RELL1: variants seen among roughly 807,000 people sequenced by gnomAD.
RELL1 encodes RELT like 1.
In RELL1, 10 loss-of-function variants were observed where a neutral mutation model predicts 23.0. The ratio of observed to expected loss-of-function variants is 0.43; its 90% CI spans 0.27 to 0.74. RELL1 has a LOEUF of 0.74. Among genes scored for constraint, RELL1 ranks in the 30% least tolerant of loss-of-function variants. The pLI is 0.19. For missense variants in RELL1, 315 were observed against 364.4 expected, an observed-to-expected ratio of 0.86 and a Z score of 1.10; for synonymous variants, 146 against 146.8, an observed-to-expected ratio of 0.99 and a Z score of 0.04.
intron 1 of RELL1, among the ~76,000 whole-genome samples, chr4:37,683,859 ATCACGAGG>A (rs1423020939): frequency 6.6e-6 from 1 of 152,004 alleles, no homozygotes; most frequent in African/African-American, 2.4e-5. Context: ...AGGTGGGCGG[ATCACGAGG>A]TCAGGAGATG....
intron 6 of RELL1, among the ~76,000 whole-genome samples, chr4:37,602,447 C>T (rs1425189097): frequency 6.6e-6 from 1 of 150,970 alleles, no homozygotes; most frequent in Non-Finnish European, 1.5e-5. Context: ...GCCATGGGAA[C>T]CCTCATGGGC....
At chr4:37,604,786 G>GACACACACGCAGAC (rs2109491878) in intron 6 of RELL1, among the ~76,000 whole-genome samples, 1 of 52,694 alleles carries the variant, frequency 1.9e-5, no homozygotes, top group Admixed American at 2.0e-4. Flanking sequence ...GACACACACA[G>GACACACACGCAGAC]ACACACACAC....
intron 1 of RELL1, among the ~76,000 whole-genome samples, chr4:37,671,281 T>C (rs1721826150): frequency 6.6e-6 from 1 of 152,182 alleles, no homozygotes; most frequent in Non-Finnish European, 1.5e-5. Context: ...AATAACTCCA[T>C]CTTGAATAAT....
exon 7 of RELL1, chr4:37,591,125 T>C: frequency 1.3e-6 from 1 of 751,372 alleles, no homozygotes; most frequent in Non-Finnish European, 2.1e-6. Flanking sequence ...GTTGTTTACA[T>C]CCAGCATCTG....
rs1720123435 is a variant in RELL1 at position 37,631,391 on chromosome 4, C to T, written c.813G>A (p.Glu271=). ...TPVKRERSGT[E] ...CACCAAAACCACGGCTCACCTGCTACTCTGTGCCACTGCGTTCTCTCTTCA... is the reference window on the plus strand; with the variant it reads ...CACCAAAACCACGGCTCACCTGCTATTCTGTGCCACTGCGTTCTCTCTTCA... The change falls in exon 6 of 7, where the codon GAG becomes GAA. Residue 271 remains glutamate, a synonymous_variant. Transcript: ENST00000454158. The T allele has an allele frequency of 1.2e-6, 2 of 1,613,310 alleles. No individual in the cohort carries two copies. The highest frequency in any genetic ancestry group is 2.2e-5 in the South Asian group (2 of 90,874).
downstream of RELL1, chr4:37,590,017 G>A: frequency 9.3e-7 from 1 of 1,076,242 alleles, no homozygotes; most frequent in Non-Finnish European, 1.4e-6. Context: ...ATCGTAGAAA[G>A]AAGCAGGGCC....
chr4:37,668,792 A>AT (rs1404257418), intron 1 of RELL1, among the ~76,000 whole-genome samples: 4 of 119,440 alleles, frequency 3.3e-5, no homozygotes, highest in Non-Finnish European at 6.5e-5. Flanking sequence ...CCCGGCCGCC[A>AT]CCCCATCTAG....
At chr4:37,683,142 T>C (rs1722278430) in intron 1 of RELL1, among the ~76,000 whole-genome samples, 1 of 152,220 alleles carries the variant, frequency 6.6e-6, no homozygotes, top group Non-Finnish European at 1.5e-5. Context: ...GATAACCACA[T>C]GCTTACAATT....
intron 6 of RELL1, among the ~76,000 whole-genome samples, chr4:37,630,616 C>T (rs541549409): frequency 6.6e-6 from 1 of 151,956 alleles, no homozygotes; most frequent in Admixed American, 6.5e-5. Context: ...CCGCCTGCCT[C>T]GGCCTCCCAA....
chr4:37,591,113 C>T, exon 7 of RELL1: 1 of 822,730 alleles, frequency 1.2e-6, no homozygotes, highest in Non-Finnish European at 1.9e-6. Context: ...GCAGCCTTAC[C>T]AGTTGTTTAC....
chr4:37,593,961 C>G (rs1718738043), intron 6 of RELL1, among the ~76,000 whole-genome samples: 1 of 152,198 alleles, frequency 6.6e-6, no homozygotes, highest in South Asian at 2.1e-4. Context: ...AAGTCTCTTT[C>G]TCTTACCCAG....
At chr4:37,625,007 C>A (rs1719893309) in intron 6 of RELL1, among the ~76,000 whole-genome samples, 1 of 152,190 alleles carries the variant, frequency 6.6e-6, no homozygotes, top group East Asian at 1.9e-4. Flanking sequence ...TATATCGTAT[C>A]ATGTATGTCC....
chr4:37,631,876 T>C (rs1246470740), intron 5 of RELL1, among the ~76,000 whole-genome samples: 3 of 151,874 alleles, frequency 2.0e-5, no homozygotes, highest in African/African-American at 7.3e-5. Context: ...GCCTAGGAAT[T>C]TGAGACCAGA....
intron 1 of RELL1, among the ~76,000 whole-genome samples, chr4:37,660,224 A>G (rs1198986185): frequency 2.0e-5 from 3 of 152,022 alleles, no homozygotes; most frequent in Non-Finnish European, 4.4e-5. Context: ...CATTTCCACC[A>G]GCTACCTGTG....
intron 6 of RELL1, among the ~76,000 whole-genome samples, chr4:37,618,402 T>A (rs1342136059): frequency 1.3e-5 from 2 of 151,788 alleles, no homozygotes; most frequent in Non-Finnish European, 2.9e-5. Flanking sequence ...TATTTTTTTT[T>A]ATTTATTTAT....
At chr4:37,595,890 A>AT (rs1718823376) in intron 6 of RELL1, among the ~76,000 whole-genome samples, 1 of 152,134 alleles carries the variant, frequency 6.6e-6, no homozygotes, top group African/African-American at 2.4e-5. Context: ...TTTTTTAGTG[A>AT]TTTTGAACTC....
intron 1 of RELL1, among the ~76,000 whole-genome samples, chr4:37,670,732 A>G (rs1198803399): frequency 6.6e-6 from 1 of 151,864 alleles, no homozygotes; most frequent in Non-Finnish European, 1.5e-5. Flanking sequence ...CACCATGCCC[A>G]GCTGATTTTT....
intron 6 of RELL1, among the ~76,000 whole-genome samples, chr4:37,616,256 C>T (rs995163886): frequency 1.3e-5 from 2 of 152,126 alleles, no homozygotes; most frequent in Non-Finnish European, 2.9e-5. Context: ...CTGAGGCTTC[C>T]AGGTTCAATA....
rs1020948078 is a variant in RELL1 at position 37,630,688 on chromosome 4, T to C, written c.*3+697A>G. 6.6e-5 allele frequency among the ~76,000 whole-genome samples: 10 copies of C among 152,210 alleles called. No individual in the cohort carries two copies. In the South Asian group the frequency reaches 2.1e-3, roughly 32 times the overall value. ...CCGTGCCCAGCTGCGTGTTGTTTTT[T>C]TTTTAAGCAGTGTCTTGCAAAATTA... On this transcript the variant is annotated intron_variant, in intron 6 of 6. Coordinates refer to ENST00000454158, the MANE Select transcript of RELL1 (RefSeq NM_001085400.2).
Sources: allele counts gnomAD v4.1 joint callset (sites outside exome capture counted in the v4.1 genomes callset), GRCh38; gene constraint gnomAD v4.1.1; transcripts MANE v1.5; gene names NCBI Gene and HGNC (gene_info 2026-07-23, HGNC 2026-07-21).